EYS: variants seen among roughly 807,000 people sequenced by gnomAD.
EYS encodes the protein protein eyes shut homolog.
In EYS, 250 loss-of-function variants were observed where a neutral mutation model predicts 282.1. That is an observed-to-expected ratio of 0.89 (90% CI 0.80 to 0.98). The LOEUF (loss-of-function observed/expected upper bound fraction) is 0.98, where lower values mean the gene tolerates loss of function less well. Among genes scored for constraint, EYS ranks in the 50% least tolerant of loss-of-function variants. The pLI is 0.00. For synonymous variants in EYS, 1,355 were observed against 1,282.9 expected (o/e 1.06, Z -1.20); for missense variants, 4,016 against 3,709.0 (o/e 1.08, Z -2.15).
At chr6:63,948,898 A>G (rs1765480502) in intron 35 of EYS, among the ~76,000 whole-genome samples, 1 of 152,072 alleles carries the variant, frequency 6.6e-6, no homozygotes, top group South Asian at 2.1e-4. Flanking sequence ...AGTGTGCTAT[A>G]TATATGTTCT....
chr6:64,865,580 C>G (rs1766401522), intron 19 of EYS, among the ~76,000 whole-genome samples: 1 of 152,050 alleles, frequency 6.6e-6, no homozygotes, highest in African/African-American at 2.4e-5. Context: ...TCTTATAAGC[C>G]TTTTCAGTCA....
intron 36 of EYS, among the ~76,000 whole-genome samples, chr6:63,826,944 T>C (rs1391675195): frequency 1.3e-5 from 2 of 151,150 alleles, no homozygotes; most frequent in East Asian, 3.9e-4. Context: ...ATACTAACAT[T>C]GAATGTAAAT....
At position 65,038,055 on chromosome 6, in the gene EYS, T is replaced by A. The variant is rs1772823544; in HGVS notation, c.2137+19559A>T. Among the ~76,000 whole-genome samples, 2 of 151,500 alleles carry A rather than the reference T, an allele frequency of 1.3e-5. 1 individual carries two copies. The highest frequency in any genetic ancestry group is 4.2e-4 in the South Asian group (2 of 4,814). On this transcript the variant is annotated intron_variant, in intron 13 of 42. Transcript: ENST00000503581. The stretch of plus-strand genomic sequence containing the variant: ...AGTCAAGAATGCATGGCAAAAAGGT[T>A]TAGAATCACTAACCAAAACCACTAA...
chr6:65,184,358 C>T (rs1765465553), intron 12 of EYS, among the ~76,000 whole-genome samples: 3 of 151,766 alleles, frequency 2.0e-5, no homozygotes, highest in African/African-American at 7.3e-5. Flanking sequence ...AGGAGTCAAA[C>T]TTACAACCAT....
intron 37 of EYS, among the ~76,000 whole-genome samples, chr6:63,796,330 T>C (rs1770643306): frequency 6.6e-6 from 1 of 152,196 alleles, no homozygotes; most frequent in Non-Finnish European, 1.5e-5. Flanking sequence ...CCTCGGATTG[T>C]TCTGAAGGGG....
At chr6:64,464,742 A>G (rs1775862979) in intron 26 of EYS, among the ~76,000 whole-genome samples, 1 of 152,090 alleles carries the variant, frequency 6.6e-6, no homozygotes. Context: ...TTGAACTTAT[A>G]CAAATAACTA....
intron 26 of EYS, among the ~76,000 whole-genome samples, chr6:64,561,710 T>C (rs1270090495): frequency 6.6e-6 from 1 of 152,014 alleles, no homozygotes; most frequent in East Asian, 1.9e-4. Context: ...CCCATGCTCA[T>C]GGATAGTAAG....
chr6:63,730,848 C>T (rs548093176), intron 41 of EYS, among the ~76,000 whole-genome samples: 4 of 152,060 alleles, frequency 2.6e-5, no homozygotes, highest in Admixed American at 2.0e-4. Flanking sequence ...GATGAAACCC[C>T]GTCTCTACTA....
chr6:65,263,944 A>T (rs1313897629), intron 12 of EYS, among the ~76,000 whole-genome samples: 1 of 152,034 alleles, frequency 6.6e-6, no homozygotes, highest in African/African-American at 2.4e-5. Flanking sequence ...AAAAAAACAC[A>T]GAAAAGAAGT....
At chr6:65,660,633 A>C (rs1454980546) in intron 1 of EYS, among the ~76,000 whole-genome samples, 1 of 151,782 alleles carries the variant, frequency 6.6e-6, no homozygotes, top group Non-Finnish European at 1.5e-5. Flanking sequence ...ACTCACACAA[A>C]CACACTCACA....
chr6:65,142,595 G>A (rs1764375273), intron 12 of EYS, among the ~76,000 whole-genome samples: 2 of 151,048 alleles, frequency 1.3e-5, no homozygotes, highest in South Asian at 4.2e-4. Flanking sequence ...CTGGTTAAGG[G>A]CCACATAGAA....
intron 19 of EYS, among the ~76,000 whole-genome samples, chr6:64,861,601 C>T (rs1474148206): frequency 6.6e-6 from 1 of 152,212 alleles, no homozygotes; most frequent in African/African-American, 2.4e-5. Context: ...GGCTTCCACC[C>T]TGCCATCTCA....
At chr6:65,409,429 G>A (rs775284266) in intron 5 of EYS, among the ~76,000 whole-genome samples, 4 of 152,116 alleles carry the variant, frequency 2.6e-5, no homozygotes, top group Non-Finnish European at 4.4e-5. Context: ...ACATTAAAAC[G>A]TAACTGCAGT....
At chr6:65,153,170 A>G (rs188374758) in intron 12 of EYS, among the ~76,000 whole-genome samples, 135 of 151,958 alleles carry the variant, frequency 8.9e-4, no homozygotes, top group African/African-American at 3.2e-3. Context: ...AAGCTACCAT[A>G]TTATAAGCCA....
At chr6:64,235,358 T>C (rs1582464405) in intron 30 of EYS, among the ~76,000 whole-genome samples, 2 of 151,904 alleles carry the variant, frequency 1.3e-5, no homozygotes, top group East Asian at 3.9e-4. Context: ...TTTGTTCTTG[T>C]GATAGTTTAC....
chr6:65,246,114 G>T (rs2150279518), intron 12 of EYS, among the ~76,000 whole-genome samples: 1 of 152,162 alleles, frequency 6.6e-6, no homozygotes, highest in Admixed American at 6.5e-5. Flanking sequence ...TATTTTGGTT[G>T]TTCCTAAATG....
chr6:63,778,001 C>T lies in EYS; in HGVS notation c.7898+5G>A, dbSNP rs1770108266. 1.3e-6 allele frequency: 2 copies of T among 1,551,426 alleles called. No individual in the cohort carries two copies. Among genetic ancestry groups the T allele is most frequent in the Non-Finnish European group, 1.7e-6 (2 of 1,146,742 alleles). On this transcript the variant is annotated splice_donor_5th_base_variant and intron_variant, in intron 40 of 42. Transcript: ENST00000503581. ...TACTTTCATTCCTAATAACGTCATA[C>T]TTACTAAACACTAGTTCCACTCTCT... is the stretch of plus-strand genomic sequence containing the variant.
intron 22 of EYS, among the ~76,000 whole-genome samples, chr6:64,736,537 T>C (rs1772188201): frequency 6.6e-6 from 1 of 152,068 alleles, no homozygotes; most frequent in Non-Finnish European, 1.5e-5. Context: ...CATTACAGAG[T>C]ATTGGTTACA....
intron 33 of EYS, among the ~76,000 whole-genome samples, chr6:64,021,322 G>A (rs978278147): frequency 6.6e-6 from 1 of 151,900 alleles, no homozygotes; most frequent in Non-Finnish European, 1.5e-5. Context: ...GTGCTAGACT[G>A]GGGGGAGTTT....
Sources: allele counts gnomAD v4.1 joint callset (sites outside exome capture counted in the v4.1 genomes callset), GRCh38; gene constraint gnomAD v4.1.1; transcripts MANE v1.5; gene names NCBI Gene and HGNC (gene_info 2026-07-23, HGNC 2026-07-21).